Variants in MEGF11 observed in about 807,000 individuals in gnomAD.
MEGF11 encodes the protein multiple epidermal growth factor-like domains protein 11.
In MEGF11, 126 loss-of-function variants were observed where a neutral mutation model predicts 146.6. The observed-to-expected ratio is 0.86, with a 90% CI of 0.74 to 1.00. The LOEUF (loss-of-function observed/expected upper bound fraction) is 1.00, where lower values mean the gene tolerates loss of function less well. Among genes scored for constraint, MEGF11 ranks in the 50% least tolerant of loss-of-function variants. The probability of loss-of-function intolerance (pLI) is 0.00; values close to 1 mark genes in which losing one functional copy is unlikely to be tolerated. For synonymous variants in MEGF11, 532 were observed against 583.4 expected (o/e 0.91, Z 1.27); for missense variants, 1,509 against 1,521.2 (o/e 0.99, Z 0.13).
At chr15:65,961,893 G>A (rs1386964693) in intron 9 of MEGF11, among the ~76,000 whole-genome samples, 2 of 152,168 alleles carry the variant, frequency 1.3e-5, no homozygotes, top group Non-Finnish European at 2.9e-5. Context: ...TCAGGGAGTT[G>A]GGTGGAAGCT....
At chr15:66,190,736 C>T (rs1261654277) in intron 1 of MEGF11, among the ~76,000 whole-genome samples, 5 of 152,156 alleles carry the variant, frequency 3.3e-5, no homozygotes, top group African/African-American at 9.7e-5. Flanking sequence ...TCACCCCCCA[C>T]AGCACACTAA....
chr15:65,907,774 G>A (rs2078673488), intron 23 of MEGF11, among the ~76,000 whole-genome samples: 1 of 152,230 alleles, frequency 6.6e-6, no homozygotes, highest in Admixed American at 6.5e-5. Context: ...CAGGGAACAG[G>A]CCCAAAGAGC....
chr15:65,896,643 G>A lies in MEGF11; in HGVS notation c.*1291C>T, dbSNP rs2078363801. ...TTGGGAGTTGATTTCATTTCATTTGGACTTATCTGAGCCTCAGTTTATCTG... is the reference window on the plus strand; with the variant it reads ...TTGGGAGTTGATTTCATTTCATTTGAACTTATCTGAGCCTCAGTTTATCTG... On this transcript the variant is annotated 3_prime_UTR_variant, in exon 26 of 26. Coordinates refer to ENST00000395614, the MANE Select transcript of MEGF11 (RefSeq NM_001385028.1). The A allele has an allele frequency of 6.6e-6, 1 of 152,454 alleles. No individual in the cohort carries two copies. Among genetic ancestry groups the A allele is most frequent in the Admixed American group, 6.5e-5 (1 of 15,270 alleles). The allele number at this position is 152,454 out of a possible 1,614,324, so 9.4% of individuals were successfully genotyped here. A position where few individuals can be genotyped will look rare whatever the true frequency, so the allele number is the denominator to read the frequency against.
At chr15:65,915,729 G>A (rs772247489) in intron 18 of MEGF11, 131 bp from the exon 19 acceptor site, 10 of 1,185,066 alleles carry the variant, frequency 8.4e-6, no homozygotes, top group Non-Finnish European at 1.1e-5. Context: ...AGCTCCTGTT[G>A]AGGAGCATTT....
At chr15:66,128,976 T>C (rs974649215) in intron 1 of MEGF11, among the ~76,000 whole-genome samples, 2 of 152,190 alleles carry the variant, frequency 1.3e-5, no homozygotes, top group African/African-American at 2.4e-5. Flanking sequence ...CTGTCTCCTA[T>C]GGGGTATCAG....
At chr15:66,015,533 GA>G (rs2082856648) in intron 5 of MEGF11, among the ~76,000 whole-genome samples, 1 of 152,186 alleles carries the variant, frequency 6.6e-6, no homozygotes, top group Non-Finnish European at 1.5e-5. Flanking sequence ...ATCTGGTGAA[GA>G]AAGTCATAAA....
At chr15:65,924,872 G>A (rs1471849128) in intron 13 of MEGF11, among the ~76,000 whole-genome samples, 1 of 152,080 alleles carries the variant, frequency 6.6e-6, no homozygotes, top group Non-Finnish European at 1.5e-5. Context: ...CAAGTGATCC[G>A]CCCGCCTCAG....
intron 21 of MEGF11, among the ~76,000 whole-genome samples, chr15:65,911,347 T>C (rs879048998): frequency 1.3e-5 from 2 of 152,270 alleles, no homozygotes; most frequent in African/African-American, 4.8e-5. Context: ...GTAGTTACTC[T>C]ATAATATGCC....
At chr15:66,131,098 A>G (rs1408496396) in intron 1 of MEGF11, among the ~76,000 whole-genome samples, 1 of 152,216 alleles carries the variant, frequency 6.6e-6, no homozygotes, top group Non-Finnish European at 1.5e-5. Context: ...AGCTCTCTAC[A>G]TATTAGGGAG....
At chr15:65,968,202 A>G (rs1333379564) in intron 8 of MEGF11, among the ~76,000 whole-genome samples, 1 of 152,168 alleles carries the variant, frequency 6.6e-6, no homozygotes, top group Non-Finnish European at 1.5e-5. Flanking sequence ...GGGGAAGGGA[A>G]GGAGGGAAAC....
chr15:66,140,105 G>A (rs916888628), intron 1 of MEGF11, among the ~76,000 whole-genome samples: 5 of 152,134 alleles, frequency 3.3e-5, no homozygotes, highest in Non-Finnish European at 5.9e-5. Flanking sequence ...AGCTTTTAGG[G>A]CTAGCTTCTG....
At chr15:66,162,076 T>G (rs2089968835) in intron 1 of MEGF11, among the ~76,000 whole-genome samples, 1 of 152,156 alleles carries the variant, frequency 6.6e-6, no homozygotes, top group Admixed American at 6.5e-5. Context: ...ACACACTTGC[T>G]GCCAGCAACA....
At chr15:66,067,769 C>G (rs2085195505) in intron 5 of MEGF11, among the ~76,000 whole-genome samples, 1 of 152,248 alleles carries the variant, frequency 6.6e-6, no homozygotes, top group South Asian at 2.1e-4. Flanking sequence ...TCTCCAGCCC[C>G]CTTTGCCTGT....
chr15:66,242,317 A>G (rs755738514), intron 1 of MEGF11, among the ~76,000 whole-genome samples: 25 of 151,576 alleles, frequency 1.6e-4, no homozygotes, highest in Non-Finnish European at 1.5e-4. Flanking sequence ...GTTGAGGCCA[A>G]AGGATTGCTT....
chr15:66,169,438 G>C (rs1287425432), intron 1 of MEGF11, among the ~76,000 whole-genome samples: 1 of 152,232 alleles, frequency 6.6e-6, no homozygotes, highest in Non-Finnish European at 1.5e-5. Context: ...CACTCAGTGA[G>C]GGAGAACAGA....
chr15:66,249,059 G>A (rs544348832), intron 1 of MEGF11, among the ~76,000 whole-genome samples: 2 of 152,190 alleles, frequency 1.3e-5, no homozygotes, highest in Non-Finnish European at 2.9e-5. Flanking sequence ...CAGCCAAGTT[G>A]AAACACAAAC....
At chr15:65,901,933 C>T (rs2078505071) in intron 24 of MEGF11, 1 of 151,700 alleles carries the variant, frequency 6.6e-6, no homozygotes, top group Non-Finnish European at 1.5e-5. Flanking sequence ...TTAGTCAGGA[C>T]TCAACCCCTG....
Position 65,928,274 on chromosome 15 carries a change from T to C in MEGF11, c.1675+151A>G, listed in dbSNP as rs2079444484. 6 of 527,154 alleles carry C rather than the reference T, an allele frequency of 1.1e-5. No individual in the cohort carries two copies. In the South Asian group the frequency reaches 2.1e-4, roughly 18 times the overall value. The allele number at this position is 527,154 out of a possible 1,614,324, so 32.7% of individuals were successfully genotyped here. ...AAATATTTACTTGAATTAAATGGAA[T>C]GGAGAACTGGAACCCAGAGCAGATA... On this transcript the variant is annotated intron_variant, in intron 13 of 25. Transcript: ENST00000395614.
chr15:66,075,235 T>C (rs184822700), intron 5 of MEGF11, among the ~76,000 whole-genome samples: 1 of 152,158 alleles, frequency 6.6e-6, no homozygotes. Flanking sequence ...CCCTAATAAA[T>C]GTTTGGTGAC....
Sources: gnomAD v4.1 joint callset for allele counts (sites outside exome capture counted in the v4.1 genomes callset) on GRCh38, gnomAD v4.1.1 for gene constraint, MANE v1.5 for transcripts, NCBI Gene and HGNC (gene_info 2026-07-23, HGNC 2026-07-21) for gene names.